CADM2: variants seen among roughly 807,000 people sequenced by gnomAD.
CADM2 encodes immunoglobulin superfamily member 4D.
In CADM2, 12 loss-of-function variants were observed where a neutral mutation model predicts 49.8. That is an observed-to-expected ratio of 0.24 (90% CI 0.15 to 0.39). The LOEUF (loss-of-function observed/expected upper bound fraction) is 0.39. Ranked by LOEUF, CADM2 falls within the 10% of genes least tolerant of loss-of-function variation. The pLI, the probability that CADM2 is intolerant of heterozygous loss-of-function variation, is 1.00. For synonymous variants in CADM2, 214 were observed against 175.4 expected, an observed-to-expected ratio of 1.22 and a Z score of -1.74; for missense variants, 378 against 492.3, an observed-to-expected ratio of 0.77 and a Z score of 2.20.
chr3:85,712,164 T>A (rs2107739738), intron 1 of CADM2, among the ~76,000 whole-genome samples: 1 of 152,362 alleles, frequency 6.6e-6, no homozygotes, highest in African/African-American at 2.4e-5. Flanking sequence ...ATGTTACTAC[T>A]AATTTTCTTG....
At chr3:85,590,426 C>CA (rs1028068271) in intron 1 of CADM2, among the ~76,000 whole-genome samples, 3 of 151,648 alleles carry the variant, frequency 2.0e-5, no homozygotes, top group African/African-American at 7.3e-5. Context: ...AGACTGAAAG[C>CA]AAAAAAATCA....
At chr3:85,838,803 G>A (rs2074513820) in intron 3 of CADM2, among the ~76,000 whole-genome samples, 1 of 151,690 alleles carries the variant, frequency 6.6e-6, no homozygotes, top group Non-Finnish European at 1.5e-5. Flanking sequence ...ATAATAGAAT[G>A]GGGAGGGAAT....
At chr3:85,264,699 A>C (rs1033598479) in intron 1 of CADM2, among the ~76,000 whole-genome samples, 1 of 152,116 alleles carries the variant, frequency 6.6e-6, no homozygotes, top group South Asian at 2.1e-4. Context: ...CACCAAACAG[A>C]TATAATAATC....
chr3:85,392,926 A>G (rs952365672), intron 1 of CADM2, among the ~76,000 whole-genome samples: 11 of 152,104 alleles, frequency 7.2e-5, no homozygotes, highest in African/African-American at 9.6e-5. Flanking sequence ...TCTGTGTTGT[A>G]TACTAAAACA....
chr3:85,581,191 G>A (rs1408154474), intron 1 of CADM2, among the ~76,000 whole-genome samples: 4 of 151,986 alleles, frequency 2.6e-5, no homozygotes, highest in Non-Finnish European at 5.9e-5. Context: ...ACATTTGAAT[G>A]TTCTTTTAAA....
chr3:85,015,255 A>C (rs2034202591), intron 1 of CADM2, among the ~76,000 whole-genome samples: 1 of 152,122 alleles, frequency 6.6e-6, no homozygotes, highest in Admixed American at 6.6e-5. Flanking sequence ...TTCTATTGTT[A>C]AACTGCCCAT....
chr3:86,068,247 A>C lies in CADM2; in HGVS notation c.*1464A>C, dbSNP rs1436046336. ...ATTATTTTAAAATTTTGGCGTGTTT[A>C]ACCATTAAGAAATGCTGTATTCTTA... On this transcript the variant is annotated 3_prime_UTR_variant, in exon 10 of 10. Transcript: ENST00000383699. The C allele has an allele frequency of 6.6e-6, 1 of 152,394 alleles. No homozygotes were observed. The highest frequency in any genetic ancestry group is 1.5e-5 in the Non-Finnish European group (1 of 67,880). 9.4% of individuals were successfully genotyped at this position (152,394 alleles called of 1,614,324 possible). A position where few individuals can be genotyped will look rare whatever the true frequency, so the allele number is the denominator to read the frequency against.
Position 86,066,712 on chromosome 3 carries a change from G to T in CADM2, c.1144G>T (p.Ala382Ser). Residue 382 changes from alanine to serine, a missense_variant, in exon 10 of 10, where the codon GCT becomes TCT. Physicochemically the swap from Ala to Ser is moderately conservative, Grantham distance 99 (BLOSUM62 1). Transcript: ENST00000383699. The stretch of plus-strand genomic sequence containing the variant: ...TAAAGGAGCTGAAGATGCACCAGAT[G>T]CTGATACAGCCATTATCAATGCTGA... ...EAKGAEDAPD[A>S]DTAIINAEGS... 6.2e-7 allele frequency: 1 copy of T among 1,614,078 alleles called. No individual in the cohort carries two copies. The highest frequency in any genetic ancestry group is 8.5e-7 in the Non-Finnish European group (1 of 1,179,940).
chr3:85,006,842 A>G (rs990845881), intron 1 of CADM2, among the ~76,000 whole-genome samples: 1 of 152,154 alleles, frequency 6.6e-6, no homozygotes, highest in African/African-American at 2.4e-5. Context: ...TAATTTGTCT[A>G]CTTTCTTTAA....
Position 85,040,184 on chromosome 3 carries a change from A to G in CADM2, c.61+80516A>G, listed in dbSNP as rs191237437. 2.0e-5 allele frequency among the ~76,000 whole-genome samples: 3 copies of G among 152,336 alleles called. No homozygotes were observed. In the East Asian group the frequency reaches 5.8e-4, roughly 29 times the overall value. ...CTCTGTGTAGTTAAAAGAACGTTTTAGGTTTCCATTCTTTCCAAACATTGA... is the reference window on the plus strand; with the variant it reads ...CTCTGTGTAGTTAAAAGAACGTTTTGGGTTTCCATTCTTTCCAAACATTGA... On this transcript the variant is annotated intron_variant, in intron 1 of 9. Coordinates refer to ENST00000383699, the MANE Select transcript of CADM2 (RefSeq NM_001167675.2).
chr3:85,603,828 T>A (rs1000101557), intron 1 of CADM2, among the ~76,000 whole-genome samples: 1 of 151,964 alleles, frequency 6.6e-6, no homozygotes, highest in Non-Finnish European at 1.5e-5. Flanking sequence ...GACTTTCTTC[T>A]CATCAAGAAA....
At chr3:85,611,040 A>G (rs1455399603) in intron 1 of CADM2, among the ~76,000 whole-genome samples, 1 of 151,940 alleles carries the variant, frequency 6.6e-6, no homozygotes, top group African/African-American at 2.4e-5. Flanking sequence ...TGTATATCTG[A>G]AAATTCATTT....
intron 1 of CADM2, among the ~76,000 whole-genome samples, chr3:85,344,438 TCAAA>T (rs992712631): frequency 9.3e-5 from 14 of 150,756 alleles, no homozygotes; most frequent in African/African-American, 2.9e-4. Flanking sequence ...ATATGGATAG[TCAAA>T]CAAACCAAAG....
chr3:85,289,354 G>C (rs748811559), intron 1 of CADM2, among the ~76,000 whole-genome samples: 169 of 152,276 alleles, frequency 1.1e-3, no homozygotes, highest in Non-Finnish European at 7.1e-4. Flanking sequence ...ATGTCAATGG[G>C]TTAATGAAAG....
Position 85,572,266 on chromosome 3 carries a change from G to A in CADM2, c.62-154256G>A, listed in dbSNP as rs929118461. Among the ~76,000 whole-genome samples, 26 of 152,090 alleles carry A rather than the reference G, an allele frequency of 1.7e-4. 1 individual carries two copies. The highest frequency in any genetic ancestry group is 8.5e-4 in the Admixed American group (13 of 15,278). ...TGTGCCACTGCTTTCCAGTCTGGGCGACAGAGTAAGACTCTGTGTAAAAAG... is the reference window on the plus strand; with the variant it reads ...TGTGCCACTGCTTTCCAGTCTGGGCAACAGAGTAAGACTCTGTGTAAAAAG... On this transcript the variant is annotated intron_variant, in intron 1 of 9. Coordinates refer to ENST00000383699, the MANE Select transcript of CADM2 (RefSeq NM_001167675.2).
chr3:85,364,786 G>A (rs933150634), intron 1 of CADM2, among the ~76,000 whole-genome samples: 2 of 152,106 alleles, frequency 1.3e-5, no homozygotes, highest in Admixed American at 6.6e-5. Context: ...GCAGACAGAT[G>A]CAATAACTTC....
At chr3:85,366,228 A>T (rs2032773548) in intron 1 of CADM2, among the ~76,000 whole-genome samples, 1 of 152,208 alleles carries the variant, frequency 6.6e-6, no homozygotes, top group African/African-American at 2.4e-5. Context: ...ATATGGAAAA[A>T]TACCTTAAAT....
chr3:85,842,140 C>T (rs555263631), intron 3 of CADM2, among the ~76,000 whole-genome samples: 8 of 152,172 alleles, frequency 5.3e-5, no homozygotes, highest in African/African-American at 1.9e-4. Context: ...CATGAACTCT[C>T]GTGATTAGTT....
intron 3 of CADM2, among the ~76,000 whole-genome samples, chr3:85,867,727 G>A (rs533682764): frequency 1.3e-5 from 2 of 151,930 alleles, no homozygotes; most frequent in South Asian, 2.1e-4. Flanking sequence ...TTATTTTATG[G>A]GCCGTTTAAA....
Sources: allele counts gnomAD v4.1 joint callset (sites outside exome capture counted in the v4.1 genomes callset), GRCh38; gene constraint gnomAD v4.1.1; transcripts MANE v1.5; gene names NCBI Gene and HGNC (gene_info 2026-07-23, HGNC 2026-07-21).